SLC16A1: variants seen among roughly 807,000 people sequenced by gnomAD.
SLC16A1 encodes solute carrier family 16 member 1, also known as monocarboxylate transporter 1.
In SLC16A1, 11 loss-of-function variants were observed where a neutral mutation model predicts 32.2. That is an observed-to-expected ratio of 0.34 (90% CI 0.21 to 0.56). The LOEUF is 0.56. SLC16A1 is among the 20% of genes least tolerant of loss of function. The probability of loss-of-function intolerance (pLI) is 0.87; values close to 1 mark genes in which losing one functional copy is unlikely to be tolerated. For missense variants in SLC16A1, 435 were observed against 615.0 expected, an observed-to-expected ratio of 0.71 and a Z score of 3.10; for synonymous variants, 231 against 226.8, an observed-to-expected ratio of 1.02 and a Z score of -0.17.
intron 1 of SLC16A1, among the ~76,000 whole-genome samples, chr1:112,942,049 G>A (rs1416945209): frequency 1.3e-5 from 2 of 151,992 alleles, no homozygotes; most frequent in African/African-American, 4.8e-5. Flanking sequence ...TTGGCTCACT[G>A]CAACCTCCAC....
chr1:112,943,926 G>C (rs190124995), intron 1 of SLC16A1, among the ~76,000 whole-genome samples: 1 of 152,036 alleles, frequency 6.6e-6, no homozygotes, highest in Non-Finnish European at 1.5e-5. Context: ...CTGAGTGCCT[G>C]GAGTAAAGGC....
Position 112,914,052 on chromosome 1 carries a change from A to G in SLC16A1, c.1342T>C (p.Leu448=), listed in dbSNP as rs773196238. 17 of 1,614,050 alleles carry G rather than the reference A, an allele frequency of 1.1e-5. No homozygotes were observed. In the East Asian group the frequency reaches 1.6e-4, roughly 15 times the overall value. Residue 448 remains leucine (L), a synonymous_variant, in exon 5 of 5, where the codon TTG becomes CTG. Transcript: ENST00000369626. ...TCGTTTGCTTTCTGTTCTTTTGCCAAAAGTCGATAATTGATGCCCATGCCA... is the reference window on the plus strand; with the variant it reads ...TCGTTTGCTTTCTGTTCTTTTGCCAGAAGTCGATAATTGATGCCCATGCCA... ...FIGMGINYRL[L]AKEQKANEQK... is the part of the protein sequence containing the mutation.
chr1:112,918,093 TAAATA>T, intron 3 of SLC16A1, 49 bp from the exon 4 acceptor site: 1 of 1,064,698 alleles, frequency 9.4e-7, no homozygotes, highest in Non-Finnish European at 1.2e-6. Context: ...AATAAATAAA[TAAATA>T]AATAATAAGA....
rs556521444 is a variant in SLC16A1, at chr1:112,931,097, CTCT to C, written c.-44-1748_-44-1746del. Among the ~76,000 whole-genome samples, 171 of 152,158 alleles carry C rather than the reference CTCT, an allele frequency of 1.1e-3. 1 individual carries two copies. Among genetic ancestry groups the C allele is most frequent in the African/African-American group, 3.9e-3 (161 of 41,514 alleles). On this transcript the variant is annotated intron_variant, in intron 1 of 4. Coordinates refer to ENST00000369626, the MANE Select transcript of SLC16A1 (RefSeq NM_003051.4). ...TATATTCTTCCATACTCTTTTCATT[CTCT>C]TATTTATGGCTGACTTAACATACTA...
chr1:112,926,378 G>T (rs1417233122), intron 2 of SLC16A1, among the ~76,000 whole-genome samples: 1 of 150,988 alleles, frequency 6.6e-6, no homozygotes, highest in Non-Finnish European at 1.5e-5. Flanking sequence ...ATTACCTGAG[G>T]TCAGGAGAGT....
chr1:112,954,526 T>C (rs1650009639), intron 1 of SLC16A1, among the ~76,000 whole-genome samples: 1 of 152,190 alleles, frequency 6.6e-6, no homozygotes, highest in African/African-American at 2.4e-5. Context: ...ACATGTAAAC[T>C]AGTGAAATAC....
rs1424310392 is a variant in SLC16A1 at position 112,929,083 on chromosome 1, G to A, written c.217+9C>T. 6.2e-7 allele frequency: 1 copy of A among 1,604,872 alleles called. No homozygotes were observed. Among genetic ancestry groups the A allele is most frequent in the Non-Finnish European group, 8.5e-7 (1 of 1,172,240 alleles). The stretch of plus-strand genomic sequence containing the variant: ...AAAATTAAAAGAGCAGGCCTTAATG[G>A]GTACTTACCTCCACCATACATGACA... On this transcript the variant is annotated intron_variant, in intron 2 of 4. Transcript: ENST00000369626.
chr1:112,937,047 A>G (rs1192633865), intron 1 of SLC16A1, among the ~76,000 whole-genome samples: 3 of 152,256 alleles, frequency 2.0e-5, no homozygotes, highest in African/African-American at 7.2e-5. Flanking sequence ...TGCTGCAGGC[A>G]TTGATTTTAT....
Position 112,922,022 on chromosome 1 carries a change from T to C in SLC16A1, c.329A>G (p.Gln110Arg). 2.5e-6 allele frequency: 4 copies of C among 1,614,228 alleles called. No individual in the cohort carries two copies. Among genetic ancestry groups the C allele is most frequent in the Non-Finnish European group, 3.4e-6 (4 of 1,180,036 alleles). ...GACTCCAATACAGACGTATAGTTGC[T>C]GTACGGTGTTACAGAAAGAAGCTGC... is the stretch of plus-strand genomic sequence containing the variant. ...LIAASFCNTVQQLYVCIGVIG... is the reference protein window; with the variant it reads ...LIAASFCNTVRQLYVCIGVIG... The change falls in exon 3 of 5, where the codon CAG (glutamine) becomes CGG (arginine). Residue 110 changes from glutamine to arginine, a missense_variant. Around this residue, in one of 2 missense-constraint regions of SLC16A1, gnomAD observed 324 missense variants for 500.3 expected, o/e 0.65. Transcript: ENST00000369626.
In SLC16A1 at chr1:112,940,783, G is replaced by T. The variant is rs539642707; in HGVS notation, c.-44-11431C>A. Among the ~76,000 whole-genome samples the T allele has an allele frequency of 5.3e-5, 8 of 152,198 alleles. No homozygotes were observed. The South Asian group carries it at 1.5e-3, about 28-fold the overall frequency. On this transcript the variant is annotated intron_variant, in intron 1 of 4. Transcript: ENST00000369626. ...TATTAAAATAATTTTGATCAAGGAT[G>T]TCAAATTTACTATTTTTAGTCAGTT...
intron 2 of SLC16A1, chr1:112,924,184 G>A (rs1368277283): frequency 3.8e-5 from 57 of 1,504,156 alleles, no homozygotes; most frequent in Non-Finnish European, 5.2e-5. Context: ...CAGCTGCAGG[G>A]TGCCCACGGG....
At chr1:112,930,019 T>C (rs1026135327) in intron 1 of SLC16A1, among the ~76,000 whole-genome samples, 22 of 152,214 alleles carry the variant, frequency 1.4e-4, no homozygotes, top group African/African-American at 5.3e-4. Context: ...CTTTCACATG[T>C]ATCCTTTAAA....
At chr1:112,920,934 T>C (rs1648702861) in intron 3 of SLC16A1, among the ~76,000 whole-genome samples, 1 of 151,592 alleles carries the variant, frequency 6.6e-6, no homozygotes, top group Non-Finnish European at 1.5e-5. Flanking sequence ...GGTCAGGAGA[T>C]CGACTATACT....
At chr1:112,941,689 T>C (rs1199758652) in intron 1 of SLC16A1, among the ~76,000 whole-genome samples, 1 of 152,200 alleles carries the variant, frequency 6.6e-6, no homozygotes, top group Non-Finnish European at 1.5e-5. Flanking sequence ...AATGCACACT[T>C]GTCAGGAGTC....
intron 2 of SLC16A1, chr1:112,924,191 C>G: frequency 6.6e-7 from 1 of 1,511,186 alleles, no homozygotes; most frequent in Non-Finnish European, 9.2e-7. Context: ...AGGGTGCCCA[C>G]GGGGACGCAG....
At position 112,929,119 on chromosome 1, in the gene SLC16A1, T is replaced by G; in HGVS notation, c.190A>C (p.Ile64Leu). ...CCACCATACATGACAGCCAACATTA[T>G]GGAGGATATCCATGACACTTCGCTG... The part of the protein sequence containing the change: ...TTSEVSWISS[I>L]MLAVMYGGGP... The change falls in exon 2 of 5, where the codon ATA becomes CTA. Residue 64 changes from isoleucine to leucine, a missense_variant. Transcript: ENST00000369626. 6.2e-7 allele frequency: 1 copy of G among 1,614,036 alleles called. No individual in the cohort carries two copies. Among genetic ancestry groups the G allele is most frequent in the Non-Finnish European group, 8.5e-7 (1 of 1,179,958 alleles).
At chr1:112,923,809 G>A (rs1648827502) in intron 2 of SLC16A1, 11 of 1,495,958 alleles carry the variant, frequency 7.4e-6, no homozygotes, top group Non-Finnish European at 1.0e-5. Context: ...GCCAAGATCT[G>A]TAACCTCTGC....
chr1:112,930,722 AG>A (rs1390894719), intron 1 of SLC16A1, among the ~76,000 whole-genome samples: 5 of 148,244 alleles, frequency 3.4e-5, no homozygotes, highest in Admixed American at 2.0e-4. Flanking sequence ...CAAACATTTT[AG>A]GTTTTTTTTT....
intron 3 of SLC16A1, 85 bp from the exon 4 acceptor site, chr1:112,918,129 T>G: frequency 1.1e-4 from 99 of 894,250 alleles, no homozygotes; most frequent in South Asian, 1.3e-4. Context: ...ATGGAAGGAA[T>G]AGGATATAAA....
Sources: gnomAD v4.1 joint callset for allele counts (sites outside exome capture counted in the v4.1 genomes callset) on GRCh38, gnomAD v4.1.1 for gene constraint, gnomAD v4.1.1 regional missense constraint, MANE v1.5 for transcripts, NCBI Gene and HGNC (gene_info 2026-07-23, HGNC 2026-07-21) for gene names.